The following EIF4G3 variants were observed in gnomAD, a reference collection of about 807,000 sequenced individuals.
EIF4G3 encodes eukaryotic translation initiation factor 4 gamma 3.
A neutral mutation model predicts 186.4 loss-of-function variants in EIF4G3; 34 were observed. That is an observed-to-expected ratio of 0.18 (90% CI 0.14 to 0.24). The LOEUF is 0.24. Among genes scored for constraint, EIF4G3 ranks in the 10% least tolerant of loss-of-function variants. The pLI, the probability that EIF4G3 is intolerant of heterozygous loss-of-function variation, is 1.00. For missense variants in EIF4G3, 1,536 were observed against 1,948.5 expected (o/e 0.79, Z 3.99); for synonymous variants, 673 against 679.5 (o/e 0.99, Z 0.15).
Position 20,810,295 on chromosome 1 carries a change from C to T in EIF4G3, c.4744+443G>A, listed in dbSNP as rs890767662. Among the ~76,000 whole-genome samples the T allele has an allele frequency of 3.3e-5, 5 of 152,104 alleles. No homozygotes were observed. The highest frequency in any genetic ancestry group is 5.9e-5 in the Non-Finnish European group (4 of 68,020). ...TCAGCCTCCCAAGTAGCTGGGATTACAGGTGCCCGCCACCACACCCAGCTA... is the reference window on the plus strand; with the variant it reads ...TCAGCCTCCCAAGTAGCTGGGATTATAGGTGCCCGCCACCACACCCAGCTA... On this transcript the variant is annotated intron_variant, in intron 36 of 36. Transcript: ENST00000602326. This position sits in a 1 kb window ranked among gnomAD's most constrained non-coding sequence, Gnocchi z 4.1.
intron 22 of EIF4G3, among the ~76,000 whole-genome samples, chr1:20,863,081 G>C (rs2076706527): frequency 6.6e-6 from 1 of 152,080 alleles, no homozygotes; most frequent in Non-Finnish European, 1.5e-5. Flanking sequence ...GAGCCACTGT[G>C]CCCGGCCATA....
At chr1:20,922,442 C>T (rs981187222) in intron 14 of EIF4G3, among the ~76,000 whole-genome samples, 1 of 152,156 alleles carries the variant, frequency 6.6e-6, no homozygotes, top group Non-Finnish European at 1.5e-5. Flanking sequence ...GGATTACAGG[C>T]ATGCACCACC....
chr1:21,168,729 A>G (rs1230669908), intron 2 of EIF4G3, among the ~76,000 whole-genome samples: 1 of 152,128 alleles, frequency 6.6e-6, no homozygotes, highest in African/African-American at 2.4e-5. Flanking sequence ...CCTGGCCAAA[A>G]AAAGTACTTT....
In EIF4G3 at chr1:20,899,886, T is replaced by A. The variant is rs202235130; in HGVS notation, c.1810A>T (p.Met604Leu). Residue 604 changes from methionine (M) to leucine (L), a missense_variant, in exon 16 of 37, where the codon ATG (methionine) becomes TTG (leucine). Physicochemically the swap from Met to Leu is conservative, Grantham distance 15 (BLOSUM62 2). Coordinates refer to ENST00000602326, the MANE Select transcript of EIF4G3 (RefSeq NM_001391906.1). ...DKVLESEQDKMSQGFHPERDP... is the reference protein window; with the variant it reads ...DKVLESEQDKLSQGFHPERDP... The stretch of plus-strand genomic sequence containing the variant: ...CTTTCAGGATGAAACCCCTGGCTCA[T>A]TTTATCTTGTTCAGATTCAAGTACT... The A allele has an allele frequency of 2.2e-4, 350 of 1,614,078 alleles. No individual in the cohort carries two copies. The highest frequency in any genetic ancestry group is 1.0e-3 in the East Asian group (47 of 44,870).
intron 24 of EIF4G3, among the ~76,000 whole-genome samples, chr1:20,857,772 G>A (rs902510964): frequency 1.3e-5 from 2 of 152,232 alleles, no homozygotes; most frequent in African/African-American, 2.4e-5. Context: ...AATACCTGGT[G>A]CTGGAGAAGG....
At chr1:21,156,991 G>A (rs757217487) in intron 2 of EIF4G3, among the ~76,000 whole-genome samples, 11 of 152,098 alleles carry the variant, frequency 7.2e-5, no homozygotes, top group African/African-American at 2.4e-4. Context: ...CTGAGAGGTC[G>A]AGGCTGCAGT....
intron 35 of EIF4G3, among the ~76,000 whole-genome samples, chr1:20,812,091 G>C (rs1488646326): frequency 6.6e-6 from 1 of 152,144 alleles, no homozygotes; most frequent in African/African-American, 2.4e-5. Context: ...TTATCTGTAA[G>C]TTATCACTAA....
At chr1:21,078,750 C>T (rs1196230457) in intron 3 of EIF4G3, among the ~76,000 whole-genome samples, 3 of 152,220 alleles carry the variant, frequency 2.0e-5, no homozygotes, top group East Asian at 3.9e-4. Flanking sequence ...TTTGGGAGGC[C>T]AAAGCAGGTG....
At chr1:20,917,192 T>A (rs150936265) in intron 14 of EIF4G3, among the ~76,000 whole-genome samples, 3 of 152,168 alleles carry the variant, frequency 2.0e-5, no homozygotes, top group African/African-American at 7.2e-5. Flanking sequence ...TATATAAACA[T>A]GCTGAATGAA....
intron 14 of EIF4G3, among the ~76,000 whole-genome samples, chr1:20,917,878 C>T (rs2094066433): frequency 6.6e-6 from 1 of 152,070 alleles, no homozygotes; most frequent in East Asian, 1.9e-4. Flanking sequence ...TGTATGTTTA[C>T]TGACATAAAA....
At chr1:20,999,409 G>C (rs1238020839) in intron 6 of EIF4G3, 1 of 331,532 alleles carries the variant, frequency 3.0e-6, no homozygotes, top group African/African-American at 2.2e-5. Context: ...GTAGGGAGTG[G>C]AGTGAAATGT....
chr1:21,124,401 T>C (rs916377937), intron 2 of EIF4G3, among the ~76,000 whole-genome samples: 2 of 152,198 alleles, frequency 1.3e-5, no homozygotes, highest in African/African-American at 4.8e-5. Flanking sequence ...GATTGCTTCT[T>C]ACATGGGCAC....
At chr1:21,133,397 G>A (rs1047956275) in intron 2 of EIF4G3, among the ~76,000 whole-genome samples, 1 of 151,916 alleles carries the variant, frequency 6.6e-6, no homozygotes, top group African/African-American at 2.4e-5. Context: ...GCTAATTTTT[G>A]TATTTTTTTA....
intron 4 of EIF4G3, among the ~76,000 whole-genome samples, chr1:21,008,493 C>T (rs960600254): frequency 7.9e-5 from 12 of 152,066 alleles, no homozygotes; most frequent in African/African-American, 2.7e-4. Flanking sequence ...CATGCCACCA[C>T]GCCCGGCTAA....
intron 3 of EIF4G3, among the ~76,000 whole-genome samples, chr1:21,075,570 CAAAAAAAAAAAAAAAAAAAAAA>C (rs55649192): frequency 0.024 from 1,247 of 51,710 alleles, 45 homozygotes; most frequent in Middle Eastern, 0.071. Context: ...CTCCAACTCA[CAAAAAAAAAAAAAAAAAAAAAA>C]AAAAAAAAAA....
chr1:20,992,857 C>A (rs2081415837), intron 7 of EIF4G3, among the ~76,000 whole-genome samples: 3 of 152,038 alleles, frequency 2.0e-5, no homozygotes. Flanking sequence ...ATTTTAATGA[C>A]CAAATACACA....
rs1365391530 is a variant in EIF4G3 at position 20,879,368 on chromosome 1, G to C, written c.2577C>G (p.Pro859=). ...DLVFEKAIDE[P]SFSVAYANMC... ...TGTTTGCGTAAGCCACAGAGAAACTGGGTTCATCAATAGCCTTCTCAAAGA... is the reference window on the plus strand; with the variant it reads ...TGTTTGCGTAAGCCACAGAGAAACTCGGTTCATCAATAGCCTTCTCAAAGA... Residue 859 remains proline (P), a synonymous_variant, in exon 20 of 37, where the codon CCC becomes CCG. Coordinates refer to ENST00000602326, the MANE Select transcript of EIF4G3 (RefSeq NM_001391906.1). 6.2e-7 allele frequency: 1 copy of C among 1,605,546 alleles called. No individual in the cohort carries two copies. Among genetic ancestry groups the C allele is most frequent in the Admixed American group, 1.7e-5 (1 of 58,944 alleles).
chr1:21,016,079 C>T (rs953508224), intron 4 of EIF4G3, among the ~76,000 whole-genome samples: 4 of 152,054 alleles, frequency 2.6e-5, no homozygotes, highest in Admixed American at 2.0e-4. Flanking sequence ...AGGATTTTAA[C>T]AGACAAAAGC....
In EIF4G3 at chr1:21,176,882, G is replaced by A. The variant is rs1260320258; in HGVS notation, c.-616C>T. 1 of 694,426 alleles carries A rather than the reference G, an allele frequency of 1.4e-6. No individual in the cohort carries two copies. 43.0% of individuals were successfully genotyped at this position (694,426 alleles called of 1,614,324 possible). A position where few individuals can be genotyped will look rare whatever the true frequency, so the allele number is the denominator to read the frequency against. On this transcript the variant is annotated 5_prime_UTR_variant, in exon 1 of 37. Transcript: ENST00000602326. ...CATGGCGCTGTGGCCGCCTCCAGCAGTCCGGCAGGACGGCTGCTCGGAAAA... is the reference window on the plus strand; with the variant it reads ...CATGGCGCTGTGGCCGCCTCCAGCAATCCGGCAGGACGGCTGCTCGGAAAA...
Sources: gnomAD v4.1 joint callset for allele counts (sites outside exome capture counted in the v4.1 genomes callset) on GRCh38, gnomAD v4.1.1 for gene constraint, Gnocchi (gnomAD v3.1) non-coding constraint, MANE v1.5 for transcripts, NCBI Gene and HGNC (gene_info 2026-07-23, HGNC 2026-07-21) for gene names.